The following RTKN2 variants were observed in gnomAD, a reference collection of about 807,000 sequenced individuals.
RTKN2 encodes rhotekin-2.
Under a neutral mutation model 71.5 loss-of-function variants are expected in RTKN2, and 69 were observed. The observed-to-expected ratio is 0.96, with a 90% CI of 0.79 to 1.18. The LOEUF is 1.18. Ranked by LOEUF, RTKN2 falls within the 50% of genes most tolerant of loss-of-function variation. The pLI, the probability that RTKN2 is intolerant of heterozygous loss-of-function variation, is 0.00. For missense variants in RTKN2, 724 were observed against 719.7 expected, an observed-to-expected ratio of 1.01 and a Z score of -0.07; for synonymous variants, 236 against 236.5, an observed-to-expected ratio of 1.00 and a Z score of 0.02.
chr10:62,193,765 A>G lies in RTKN2; in HGVS notation c.*4143T>C. On this transcript the variant is annotated 3_prime_UTR_variant, in exon 12 of 12. Transcript: ENST00000373789. ...GCTCTGGGGAAATTCTGGATCACTA[A>G]ACTAAAAGTAAGGTTATGTCAATGG... 1 of 985,174 alleles carries G rather than the reference A, an allele frequency of 1.0e-6. No homozygotes were observed. Among genetic ancestry groups the G allele is most frequent in the Non-Finnish European group, 1.2e-6 (1 of 829,704 alleles). The allele number at this position is 985,174 out of a possible 1,614,324, so 61.0% of individuals were successfully genotyped here.
intron 10 of RTKN2, among the ~76,000 whole-genome samples, chr10:62,204,519 T>C (rs1841508762): frequency 6.6e-6 from 1 of 152,204 alleles, no homozygotes; most frequent in Admixed American, 6.5e-5. Context: ...AGTTTTTTGT[T>C]CCTCAAATGG....
chr10:62,209,907 A>T (rs955843182), intron 9 of RTKN2, among the ~76,000 whole-genome samples: 1 of 152,126 alleles, frequency 6.6e-6, no homozygotes, highest in Non-Finnish European at 1.5e-5. Context: ...GCTACTGTGA[A>T]TGGTGCTGCA....
intron 8 of RTKN2, among the ~76,000 whole-genome samples, chr10:62,185,435 G>A (rs1291718680): frequency 1.3e-5 from 2 of 152,104 alleles, no homozygotes; most frequent in Non-Finnish European, 2.9e-5. Context: ...GGCCAAGTTG[G>A]TGAAACCCCG....
At chr10:62,217,358 A>C in intron 8 of RTKN2, 109 bp from the exon 9 acceptor site, 1 of 751,176 alleles carries the variant, frequency 1.3e-6, no homozygotes, top group African/African-American at 1.8e-5. Context: ...AATTTTTAAA[A>C]TGTGATGGAA....
At chr10:62,239,845 G>C (rs1842337339) in intron 4 of RTKN2, 80 bp from the exon 5 acceptor site, 2 of 718,498 alleles carry the variant, frequency 2.8e-6, no homozygotes, top group Admixed American at 4.9e-5. Flanking sequence ...ATAAATATTA[G>C]GTTAAATATT....
intron 2 of RTKN2, chr10:62,259,086 T>A (rs982196629): frequency 1.2e-4 from 44 of 368,074 alleles, no homozygotes; most frequent in Admixed American, 3.8e-4. Flanking sequence ...GGGCAGGTTT[T>A]TCCTGCACTG....
At chr10:62,231,956 C>T (rs1050237907) in intron 6 of RTKN2, among the ~76,000 whole-genome samples, 4 of 152,146 alleles carry the variant, frequency 2.6e-5, no homozygotes, top group African/African-American at 9.7e-5. Flanking sequence ...TAAGAGTAGT[C>T]CCGGGCTATG....
At chr10:62,244,432 CCTT>C (rs1842439933) in intron 3 of RTKN2, among the ~76,000 whole-genome samples, 1 of 152,146 alleles carries the variant, frequency 6.6e-6, no homozygotes, top group African/African-American at 2.4e-5. Context: ...ACTTGAGCCT[CCTT>C]CTAAATGTAC....
At chr10:62,189,863 T>C (rs1277563538), downstream of RTKN2, among the ~76,000 whole-genome samples, 9 of 151,696 alleles carry the variant, frequency 5.9e-5, no homozygotes, top group African/African-American at 9.7e-5. Flanking sequence ...TTTTTTTTTT[T>C]CTTCATTTTC....
Position 62,197,062 on chromosome 10 carries a change from T to C in RTKN2, c.*846A>G, listed in dbSNP as rs1841345494. The C allele has an allele frequency of 1.0e-6, 1 of 978,132 alleles. No homozygotes were observed. The highest frequency in any genetic ancestry group is 1.2e-6 in the Non-Finnish European group (1 of 823,336). 60.6% of individuals were successfully genotyped at this position (978,132 alleles called of 1,614,324 possible). On this transcript the variant is annotated 3_prime_UTR_variant, in exon 12 of 12. Coordinates refer to ENST00000373789, the MANE Select transcript of RTKN2 (RefSeq NM_145307.4). ...GAAAATTATTTACCATGGCCAACTT[T>C]TCTGATATTTTTGAATCTCTCATCT...
rs188951998 is a variant in RTKN2 at position 62,250,401 on chromosome 10, G to A, written c.258-4344C>T. ...CAAGAAACACTAGTTTCAAACATTA[G>A]TATCAAAGAACAGAAAATTAACCAA... On this transcript the variant is annotated intron_variant, in intron 2 of 11. Coordinates refer to ENST00000373789, the MANE Select transcript of RTKN2 (RefSeq NM_145307.4). Among the ~76,000 whole-genome samples, 27 of 152,280 alleles carry A rather than the reference G, an allele frequency of 1.8e-4. No individual in the cohort carries two copies. In the East Asian group the frequency reaches 5.0e-3, roughly 28 times the overall value.
intron 3 of RTKN2, among the ~76,000 whole-genome samples, chr10:62,242,038 A>ATC (rs1324422311): frequency 2.8e-5 from 4 of 144,624 alleles, no homozygotes; most frequent in East Asian, 3.9e-4. Context: ...TTGTAGAGAC[A>ATC]GAGTTCACTA....
chr10:62,258,968 T>C (rs1842723461), intron 2 of RTKN2, among the ~76,000 whole-genome samples: 1 of 152,208 alleles, frequency 6.6e-6, no homozygotes, highest in Non-Finnish European at 1.5e-5. Context: ...AAGAGGTTTA[T>C]ATCTGATATG....
intron 9 of RTKN2, among the ~76,000 whole-genome samples, chr10:62,207,685 C>A (rs559922516): frequency 1.9e-4 from 29 of 152,172 alleles, no homozygotes; most frequent in Admixed American, 4.6e-4. Flanking sequence ...CTGCCTCCCC[C>A]CCATATTTCT....
intron 3 of RTKN2, among the ~76,000 whole-genome samples, chr10:62,244,882 T>C (rs1330146883): frequency 6.6e-6 from 1 of 152,184 alleles, no homozygotes; most frequent in East Asian, 1.9e-4. Context: ...AATGTAGGTC[T>C]ACCGTCCTGT....
Position 62,199,825 on chromosome 10 carries a change from A to G in RTKN2, c.1223T>C (p.Ile408Thr), listed in dbSNP as rs144132810. The change falls in exon 11 of 12, where the codon ATT (isoleucine) becomes ACT (threonine). Residue 408 changes from isoleucine to threonine, a missense_variant. Coordinates refer to ENST00000373789, the MANE Select transcript of RTKN2 (RefSeq NM_145307.4). ...TGGTTTCCGTGGTGACATAATCTCA[A>G]TTTTCATAAGTTCTTCACAACAGTG... ...WKHCCEELMK[I>T]EIMSPRKPPL... is the part of the protein sequence containing the mutation. 152 of 1,613,550 alleles carry G rather than the reference A, an allele frequency of 9.4e-5. No individual in the cohort carries two copies. In the African/African-American group the frequency reaches 1.5e-3, roughly 16 times the overall value.
chr10:62,209,386 GGTGTGT>G (rs67801429), intron 9 of RTKN2, among the ~76,000 whole-genome samples: 76,815 of 150,930 alleles, frequency 0.51, 21,595 homozygotes, highest in East Asian at 0.9. Context: ...AATTGTCTAT[GGTGTGT>G]GTGTGTGTGT....
intron 6 of RTKN2, among the ~76,000 whole-genome samples, chr10:62,224,095 A>C (rs1841968757): frequency 6.6e-6 from 1 of 152,174 alleles, no homozygotes; most frequent in Non-Finnish European, 1.5e-5. Flanking sequence ...AGCCAGTCAT[A>C]AAAGGACAAA....
intron 6 of RTKN2, among the ~76,000 whole-genome samples, chr10:62,228,633 A>G (rs1331910191): frequency 1.3e-5 from 2 of 152,246 alleles, no homozygotes; most frequent in South Asian, 4.1e-4. Flanking sequence ...ATAAGTATAC[A>G]GAAATGATGC....
Sources: gnomAD v4.1 joint callset for allele counts (sites outside exome capture counted in the v4.1 genomes callset) on GRCh38, gnomAD v4.1.1 for gene constraint, MANE v1.5 for transcripts, NCBI Gene and HGNC (gene_info 2026-07-23, HGNC 2026-07-21) for gene names.